The following FSTL5 variants were observed in gnomAD, a reference collection of about 807,000 sequenced individuals.
FSTL5 encodes the protein follistatin-related protein 5.
FSTL5 carries 62 observed loss-of-function variants against 89.1 expected under a neutral mutation model. That is an observed-to-expected ratio of 0.70 (90% CI 0.57 to 0.86). The LOEUF (loss-of-function observed/expected upper bound fraction) is 0.86, where lower values mean the gene tolerates loss of function less well. FSTL5 is among the 40% of genes least tolerant of loss of function. The pLI, the probability that FSTL5 is intolerant of heterozygous loss-of-function variation, is 0.00. For missense variants in FSTL5, 1,057 were observed against 1,001.6 expected (o/e 1.06, Z -0.75); for synonymous variants, 383 against 346.2 (o/e 1.11, Z -1.18).
chr4:161,630,754 T>C (rs1735476312), intron 7 of FSTL5, among the ~76,000 whole-genome samples: 1 of 152,192 alleles, frequency 6.6e-6, no homozygotes, highest in African/African-American at 2.4e-5. Flanking sequence ...AGAAAACCAA[T>C]TAACAAAATT....
intron 4 of FSTL5, among the ~76,000 whole-genome samples, chr4:161,799,266 G>GT (rs1189669758): frequency 3.3e-5 from 5 of 151,578 alleles, no homozygotes; most frequent in Admixed American, 3.3e-4. Flanking sequence ...GCCGCCAAGT[G>GT]TTAGATTCTC....
intron 13 of FSTL5, among the ~76,000 whole-genome samples, chr4:161,468,997 AATC>A (rs1560909810): frequency 6.6e-6 from 1 of 152,180 alleles, no homozygotes; most frequent in Admixed American, 6.5e-5. Context: ...AATTCTGTGT[AATC>A]ATCATCCCTA....
At chr4:162,031,231 C>T (rs924430273) in intron 3 of FSTL5, among the ~76,000 whole-genome samples, 2 of 152,068 alleles carry the variant, frequency 1.3e-5, no homozygotes, top group African/African-American at 4.8e-5. Flanking sequence ...GCACAGAATG[C>T]AGAAAATAAG....
intron 7 of FSTL5, among the ~76,000 whole-genome samples, chr4:161,596,900 G>T (rs1009200156): frequency 7.9e-5 from 12 of 152,020 alleles, no homozygotes; most frequent in East Asian, 1.9e-4. Flanking sequence ...TTGTAAATTT[G>T]TTTGAGTCCT....
chr4:161,964,251 T>G (rs1201293768), intron 3 of FSTL5, among the ~76,000 whole-genome samples: 1 of 152,000 alleles, frequency 6.6e-6, no homozygotes, highest in Non-Finnish European at 1.5e-5. Flanking sequence ...AAATTTCCAC[T>G]CAGATTTAAC....
At chr4:162,021,541 A>G (rs757559007) in intron 3 of FSTL5, among the ~76,000 whole-genome samples, 1 of 152,176 alleles carries the variant, frequency 6.6e-6, no homozygotes, top group Admixed American at 6.6e-5. Flanking sequence ...TTTATAACAC[A>G]CACAACAAAA....
chr4:161,386,651 A>G (rs1157731884), intron 15 of FSTL5: 1 of 546,976 alleles, frequency 1.8e-6, no homozygotes, highest in Non-Finnish European at 3.2e-6. Flanking sequence ...TTACATCCAA[A>G]TCATCATAAC....
intron 7 of FSTL5, among the ~76,000 whole-genome samples, chr4:161,638,402 G>C (rs923170932): frequency 6.6e-6 from 1 of 151,940 alleles, no homozygotes; most frequent in African/African-American, 2.4e-5. Context: ...CAACCATGTC[G>C]TCTGCAAACA....
chr4:161,402,260 TTATTTTTAG>T (rs1409937790), intron 15 of FSTL5, among the ~76,000 whole-genome samples: 1 of 152,204 alleles, frequency 6.6e-6, no homozygotes, highest in Non-Finnish European at 1.5e-5. Context: ...TGTGTAAAAC[TTATTTTTAG>T]AGTTATTTCA....
chr4:161,498,217 A>G (rs57657312), intron 12 of FSTL5, among the ~76,000 whole-genome samples: 4,056 of 152,164 alleles, frequency 0.027, 145 homozygotes, highest in African/African-American at 0.078. Flanking sequence ...TTTTAGGAGG[A>G]CATCTGAGTA....
At chr4:161,532,253 G>T (rs1731437745) in intron 10 of FSTL5, among the ~76,000 whole-genome samples, 1 of 151,860 alleles carries the variant, frequency 6.6e-6, no homozygotes, top group South Asian at 2.1e-4. Flanking sequence ...CAGAGGAAGA[G>T]CTACTTTATG....
At chr4:161,979,311 A>G (rs1468723435) in intron 3 of FSTL5, among the ~76,000 whole-genome samples, 1 of 152,198 alleles carries the variant, frequency 6.6e-6, no homozygotes, top group Admixed American at 6.5e-5. Flanking sequence ...GGAGTAAATC[A>G]CAATATCAGT....
chr4:162,029,614 A>G (rs1737438668), intron 3 of FSTL5, among the ~76,000 whole-genome samples: 1 of 152,164 alleles, frequency 6.6e-6, no homozygotes, highest in Non-Finnish European at 1.5e-5. Flanking sequence ...AGTCCTAGAC[A>G]CTTTCTTAGA....
intron 2 of FSTL5, among the ~76,000 whole-genome samples, chr4:162,102,714 T>C (rs894059559): frequency 3.4e-5 from 5 of 145,586 alleles, no homozygotes; most frequent in African/African-American, 1.2e-4. Context: ...TATATTTATA[T>C]ATATTTATTT....
intron 7 of FSTL5, among the ~76,000 whole-genome samples, chr4:161,624,498 T>C (rs1389611848): frequency 6.6e-6 from 1 of 151,792 alleles, no homozygotes; most frequent in Non-Finnish European, 1.5e-5. Flanking sequence ...TTATCATTTA[T>C]AATATAAATT....
intron 7 of FSTL5, among the ~76,000 whole-genome samples, chr4:161,655,612 A>C (rs1736488556): frequency 6.6e-6 from 1 of 152,132 alleles, no homozygotes; most frequent in Non-Finnish European, 1.5e-5. Flanking sequence ...TTAGAAATGC[A>C]AAAAGTAAAA....
At chr4:161,536,014 C>T (rs1351467903) in intron 10 of FSTL5, among the ~76,000 whole-genome samples, 1 of 152,030 alleles carries the variant, frequency 6.6e-6, no homozygotes, top group Non-Finnish European at 1.5e-5. Context: ...CATGTTCTCA[C>T]TTATAAGTAG....
At chr4:161,585,423 T>C (rs1421128504) in intron 8 of FSTL5, among the ~76,000 whole-genome samples, 2 of 152,134 alleles carry the variant, frequency 1.3e-5, no homozygotes, top group Non-Finnish European at 2.9e-5. Context: ...TGTGATCTTT[T>C]CTTTTATGTG....
intron 4 of FSTL5, among the ~76,000 whole-genome samples, chr4:161,872,509 G>A (rs1004097487): frequency 1.3e-5 from 2 of 152,126 alleles, no homozygotes; most frequent in Admixed American, 6.6e-5. Context: ...TACTGGCCAA[G>A]GCTATATTGA....
Sources: allele counts gnomAD v4.1 joint callset (sites outside exome capture counted in the v4.1 genomes callset), GRCh38; gene constraint gnomAD v4.1.1; transcripts MANE v1.5; gene names NCBI Gene and HGNC (gene_info 2026-07-23, HGNC 2026-07-21).